Variants in TANGO6 observed in about 807,000 individuals in gnomAD.
TANGO6 encodes the protein transport and Golgi organization protein 6 homolog.
A neutral mutation model predicts 114.2 loss-of-function variants in TANGO6; 90 were observed. The ratio of observed to expected loss-of-function variants is 0.79; its 90% CI spans 0.66 to 0.94. The LOEUF (loss-of-function observed/expected upper bound fraction) is 0.94, where lower values mean the gene tolerates loss of function less well. Among genes scored for constraint, TANGO6 ranks in the 40% least tolerant of loss-of-function variants. The pLI is 0.00. For synonymous variants in TANGO6, 477 were observed against 509.8 expected (o/e 0.94, Z 0.87); for missense variants, 1,274 against 1,315.3 (o/e 0.97, Z 0.49).
chr16:68,866,575 A>T (rs1239046024), intron 3 of TANGO6, among the ~76,000 whole-genome samples: 1 of 149,298 alleles, frequency 6.7e-6, no homozygotes, highest in East Asian at 2.0e-4. Flanking sequence ...GTGAGCCGAG[A>T]TTGCGCCACT....
intron 14 of TANGO6, among the ~76,000 whole-genome samples, chr16:68,954,059 G>A (rs565072880): frequency 7.9e-5 from 12 of 151,874 alleles, no homozygotes; most frequent in African/African-American, 2.2e-4. Context: ...GGCCAACATG[G>A]TGAAACCTCG....
At chr16:68,865,251 G>A (rs1253420318) in intron 3 of TANGO6, among the ~76,000 whole-genome samples, 1 of 151,228 alleles carries the variant, frequency 6.6e-6, no homozygotes, top group African/African-American at 2.4e-5. Context: ...ACTCCAGCCT[G>A]GGCTACTGAG....
Position 68,980,426 on chromosome 16 carries a change from TATATATATA to T in TANGO6, c.2842+6259_2842+6267del, listed in dbSNP as rs1345002458. Among the ~76,000 whole-genome samples the T allele has an allele frequency of 1.5e-3, 159 of 103,336 alleles. 4 individuals are homozygous for T. Among genetic ancestry groups the T allele is most frequent in the African/African-American group, 6.0e-3 (151 of 25,150 alleles). The allele number at this position is 103,336 out of a possible 152,430, so 67.8% of individuals were successfully genotyped here. A position where few individuals can be genotyped will look rare whatever the true frequency, so the allele number is the denominator to read the frequency against. On this transcript the variant is annotated intron_variant, in intron 15 of 17. Coordinates refer to ENST00000261778, the MANE Select transcript of TANGO6 (RefSeq NM_024562.2). ...CTCTCTCTCTATATATATATATATA[TATATATATA>T]TTTTTTTTTTTTTTTTTGAGATAGG...
chr16:68,930,117 A>G (rs1963220220), intron 13 of TANGO6, 121 bp from the exon 14 acceptor site: 1 of 776,548 alleles, frequency 1.3e-6, no homozygotes, highest in East Asian at 2.7e-5. Context: ...CTGTCAGACC[A>G]GTTTCTACCC....
chr16:68,913,909 A>C (rs1962963590), intron 11 of TANGO6, among the ~76,000 whole-genome samples: 1 of 152,048 alleles, frequency 6.6e-6, no homozygotes, highest in African/African-American at 2.4e-5. Flanking sequence ...TCCACTTCCC[A>C]GCGAAAGACT....
intron 17 of TANGO6, among the ~76,000 whole-genome samples, chr16:69,042,780 C>T (rs1959793841): frequency 6.6e-6 from 1 of 152,150 alleles, no homozygotes; most frequent in African/African-American, 2.4e-5. Flanking sequence ...CAGTGTTTTT[C>T]ATCCATTGTT....
intron 7 of TANGO6, 82 bp downstream of exon 7, chr16:68,880,712 G>A: frequency 4.0e-6 from 4 of 990,624 alleles, no homozygotes; most frequent in Non-Finnish European, 5.7e-6. Context: ...TGTAGAGATG[G>A]TGGGGTCTCA....
intron 7 of TANGO6, among the ~76,000 whole-genome samples, chr16:68,893,365 A>G (rs938810402): frequency 2.6e-5 from 4 of 152,194 alleles, no homozygotes; most frequent in Admixed American, 6.6e-5. Context: ...TCTGTGTAAG[A>G]CATACCCAAC....
At chr16:68,888,964 C>T (rs1042452714) in intron 7 of TANGO6, among the ~76,000 whole-genome samples, 5 of 152,136 alleles carry the variant, frequency 3.3e-5, no homozygotes, top group Admixed American at 6.6e-5. Flanking sequence ...CCTGGGATTA[C>T]AGGCATGTGC....
intron 15 of TANGO6, among the ~76,000 whole-genome samples, chr16:68,983,186 A>T (rs1963856535): frequency 6.6e-6 from 1 of 152,094 alleles, no homozygotes; most frequent in Non-Finnish European, 1.5e-5. Context: ...TCTCATTTGG[A>T]TCCCCAGTTT....
chr16:69,081,966 G>A (rs1960471868), intron 17 of TANGO6, among the ~76,000 whole-genome samples: 1 of 149,900 alleles, frequency 6.7e-6, no homozygotes, highest in South Asian at 2.1e-4. Flanking sequence ...CTGAGTAGCT[G>A]AGATTATAGG....
At chr16:68,940,166 T>TCTTC (rs113183709) in intron 14 of TANGO6, among the ~76,000 whole-genome samples, 37 of 150,666 alleles carry the variant, frequency 2.5e-4, no homozygotes, top group African/African-American at 8.5e-4. Context: ...TTCCTTCCTT[T>TCTTC]CTTCCTTCCT....
chr16:68,848,134 TG>T (rs1961845259), intron 1 of TANGO6, among the ~76,000 whole-genome samples: 1 of 152,118 alleles, frequency 6.6e-6, no homozygotes, highest in Non-Finnish European at 1.5e-5. Context: ...CTCCCTGTGT[TG>T]CCCAGCCGGG....
chr16:68,934,358 A>C (rs918078211), intron 14 of TANGO6, among the ~76,000 whole-genome samples: 1 of 152,090 alleles, frequency 6.6e-6, no homozygotes, highest in Non-Finnish European at 1.5e-5. Context: ...TTCTTTCTTT[A>C]TTCAACAAAA....
rs571056315 is a variant in TANGO6, at chr16:68,902,411, G to A, written c.1574G>A (p.Gly525Glu). The A allele has an allele frequency of 1.2e-6, 2 of 1,613,858 alleles. No individual in the cohort carries two copies. The highest frequency in any genetic ancestry group is 1.6e-4 in the Middle Eastern group (1 of 6,062). The change falls in exon 9 of 18, where the codon GGG (glycine) becomes GAG (glutamate). Residue 525 changes from glycine (G) to glutamate (E), a missense_variant. Gly to Glu is a moderately conservative substitution (Grantham distance 98, BLOSUM62 -2). Coordinates refer to ENST00000261778, the MANE Select transcript of TANGO6 (RefSeq NM_024562.2). Reference protein sequence around the residue: ...KAIASLKGFAGLDKAVPSLHS... With the variant: ...KAIASLKGFAELDKAVPSLHS... ...ATTGCCAGCCTGAAAGGATTTGCAG[G>A]GTTGGACAAAGCTGTGCCCTCTCTC...
intron 1 of TANGO6, among the ~76,000 whole-genome samples, chr16:68,856,657 A>G (rs1327512546): frequency 6.6e-6 from 1 of 152,208 alleles, no homozygotes; most frequent in East Asian, 1.9e-4. Context: ...ATTTGTTACA[A>G]CTGATAAACC....
intron 5 of TANGO6, 38 bp from the exon 6 acceptor site, chr16:68,878,080 C>CA: frequency 6.4e-7 from 1 of 1,566,612 alleles, no homozygotes; most frequent in Non-Finnish European, 8.7e-7. Flanking sequence ...ATATTCCTTG[C>CA]AAAAAACTGG....
intron 16 of TANGO6, among the ~76,000 whole-genome samples, chr16:69,028,729 T>A (rs528123729): frequency 6.6e-5 from 10 of 151,878 alleles, no homozygotes; most frequent in Non-Finnish European, 8.8e-5. Context: ...TTTTTTTTTT[T>A]ATTTTTAGAG....
At chr16:69,028,090 G>A (rs1216834500) in intron 16 of TANGO6, among the ~76,000 whole-genome samples, 1 of 152,172 alleles carries the variant, frequency 6.6e-6, no homozygotes, top group East Asian at 2.0e-4. Flanking sequence ...CTCCCCAGTA[G>A]CTGGGATTAC....
Sources: allele counts gnomAD v4.1 joint callset (sites outside exome capture counted in the v4.1 genomes callset), GRCh38; gene constraint gnomAD v4.1.1; transcripts MANE v1.5; gene names NCBI Gene and HGNC (gene_info 2026-07-23, HGNC 2026-07-21).